The following NRG1 variants were observed in gnomAD, a reference collection of about 807,000 sequenced individuals.
NRG1 encodes neuregulin 1.
A neutral mutation model predicts 63.8 loss-of-function variants in NRG1; 18 were observed. The ratio of observed to expected loss-of-function variants is 0.28; its 90% CI spans 0.19 to 0.42. The LOEUF is 0.42. Among genes scored for constraint, NRG1 ranks in the 10% least tolerant of loss-of-function variants. The pLI is 1.00. For missense variants in NRG1, 762 were observed against 814.7 expected, an observed-to-expected ratio of 0.94 and a Z score of 0.79; for synonymous variants, 302 against 301.3, an observed-to-expected ratio of 1.00 and a Z score of -0.02.
At chr8:32,357,783 A>C (rs1806646527) in intron 1 of NRG1, among the ~76,000 whole-genome samples, 1 of 152,228 alleles carries the variant, frequency 6.6e-6, no homozygotes. Flanking sequence ...TGTTGGGAAT[A>C]GAAAAATTTA....
intron 1 of NRG1, among the ~76,000 whole-genome samples, chr8:31,780,104 C>A (rs867628424): frequency 2.0e-5 from 3 of 152,246 alleles, no homozygotes; most frequent in African/African-American, 4.8e-5. Flanking sequence ...GATGATGAGT[C>A]TTTATAAACA....
At chr8:31,946,826 C>T (rs781474790) in intron 1 of NRG1, among the ~76,000 whole-genome samples, 7 of 152,156 alleles carry the variant, frequency 4.6e-5, no homozygotes, top group Non-Finnish European at 7.4e-5. Context: ...ATGGAAGCCA[C>T]GATTTCTTTG....
downstream of NRG1, among the ~76,000 whole-genome samples, chr8:32,772,021 C>A (rs1831839871): frequency 2.6e-5 from 1 of 38,114 alleles, no homozygotes; most frequent in East Asian, 1.3e-3. Context: ...GAAACTCCGT[C>A]TCAAAAAAAA....
In NRG1 at chr8:32,282,026, A is replaced by C. The variant is rs989007785; in HGVS notation, c.38-313802A>C. Among the ~76,000 whole-genome samples, 2 of 152,234 alleles carry C rather than the reference A, an allele frequency of 1.3e-5. 1 individual carries two copies. Among genetic ancestry groups the C allele is most frequent in the Non-Finnish European group, 2.9e-5 (2 of 68,044 alleles). On this transcript the variant is annotated intron_variant, in intron 1 of 10. Transcript: ENST00000519301. ...TCAAGAAAAACAACTGCCTTTCTGA[A>C]AACTTACACCGCTCACAGAGTCTGG...
chr8:32,437,709 T>A (rs1458348936), intron 1 of NRG1, among the ~76,000 whole-genome samples: 1 of 152,226 alleles, frequency 6.6e-6, no homozygotes, highest in Non-Finnish European at 1.5e-5. Context: ...AAATTCAGAA[T>A]TTTAATTACC....
At chr8:32,547,311 A>G (rs1833175674), upstream of NRG1, among the ~76,000 whole-genome samples, 1 of 152,142 alleles carries the variant, frequency 6.6e-6, no homozygotes, top group Non-Finnish European at 1.5e-5. Context: ...AGTTCTGAGT[A>G]AAGTTTGAAT....
chr8:32,132,734 T>C (rs1357192671), intron 1 of NRG1, among the ~76,000 whole-genome samples: 2 of 152,066 alleles, frequency 1.3e-5, no homozygotes, highest in Non-Finnish European at 2.9e-5. Context: ...TGGGCTGTCT[T>C]TACAGAATAT....
chr8:31,795,439 GAC>G (rs1252967918), intron 1 of NRG1, among the ~76,000 whole-genome samples: 6 of 152,196 alleles, frequency 3.9e-5, no homozygotes, highest in Non-Finnish European at 2.9e-5. Context: ...GCAGTTGAAA[GAC>G]ACAGCAATTA....
At chr8:32,345,682 G>A (rs1020278763) in intron 1 of NRG1, among the ~76,000 whole-genome samples, 1 of 152,096 alleles carries the variant, frequency 6.6e-6, no homozygotes, top group Non-Finnish European at 1.5e-5. Flanking sequence ...AAACTCAAAA[G>A]TATATGGCCA....
Position 32,647,557 on chromosome 8 carries a change from C to T in NRG1, c.502+30672C>T, listed in dbSNP as rs879420753. The stretch of plus-strand genomic sequence containing the variant: ...TTGTAGTTGCTAGGAGCTTTTCTTC[C>T]CCCCTTGCATCTTTCTGAACTCTTC... On this transcript the variant is annotated intron_variant, in intron 5 of 11. Coordinates refer to ENST00000356819, the Ensembl canonical transcript of NRG1. 15 of 985,184 alleles carry T rather than the reference C, an allele frequency of 1.5e-5. 1 individual carries two copies. The Admixed American group carries it at 8.6e-4, about 57-fold the overall frequency. The allele number at this position is 985,184 out of a possible 1,614,324, so 61.0% of individuals were successfully genotyped here.
At chr8:31,691,092 C>T (rs771810431) in intron 1 of NRG1, among the ~76,000 whole-genome samples, 1 of 152,052 alleles carries the variant, frequency 6.6e-6, no homozygotes, top group Non-Finnish European at 1.5e-5. Flanking sequence ...AGAAGGGAAA[C>T]CAACCAAAGA....
At chr8:32,473,245 AT>A (rs1169594658) in intron 1 of NRG1, among the ~76,000 whole-genome samples, 1 of 152,220 alleles carries the variant, frequency 6.6e-6, no homozygotes, top group Non-Finnish European at 1.5e-5. Context: ...AAAATAGAGT[AT>A]TTTATGCATA....
chr8:32,048,625 G>A (rs2130784351), intron 1 of NRG1, among the ~76,000 whole-genome samples: 1 of 151,566 alleles, frequency 6.6e-6, no homozygotes. Context: ...ATCCTCACTA[G>A]CACTTGTTAT....
chr8:31,766,513 G>T (rs1034730013), intron 1 of NRG1, among the ~76,000 whole-genome samples: 5 of 152,122 alleles, frequency 3.3e-5, no homozygotes, highest in Non-Finnish European at 7.4e-5. Context: ...ACAAGCCCCT[G>T]TGCAAACCCC....
intron 1 of NRG1, among the ~76,000 whole-genome samples, chr8:31,958,076 T>TAGATAGATAGAA (rs1554585891): frequency 6.6e-6 from 1 of 151,844 alleles, no homozygotes; most frequent in Admixed American, 6.6e-5. Flanking sequence ...GATAGATAGA[T>TAGATAGATAGAA]AGATAGACAG....
At chr8:32,184,407 A>C (rs901120530) in intron 1 of NRG1, among the ~76,000 whole-genome samples, 1 of 152,202 alleles carries the variant, frequency 6.6e-6, no homozygotes, top group Non-Finnish European at 1.5e-5. Context: ...AGGCCAAACA[A>C]AATCAAGGCC....
intron 1 of NRG1, among the ~76,000 whole-genome samples, chr8:31,854,095 C>T (rs373773147): frequency 6.6e-5 from 10 of 151,616 alleles, no homozygotes; most frequent in Middle Eastern, 6.8e-3. Context: ...TGTCTCTGCC[C>T]GGCTTTGGTA....
chr8:32,470,420 G>T (rs1029276567), intron 1 of NRG1, among the ~76,000 whole-genome samples: 2 of 151,412 alleles, frequency 1.3e-5, no homozygotes, highest in Non-Finnish European at 2.9e-5. Context: ...TAGCCAGGAT[G>T]GTCTCCGTCT....
chr8:32,024,041 TC>T (rs1425008983), intron 1 of NRG1, among the ~76,000 whole-genome samples: 1 of 152,214 alleles, frequency 6.6e-6, no homozygotes, highest in Non-Finnish European at 1.5e-5. Context: ...CTGCCTCTTA[TC>T]AATGGGTCTT....
Sources: gnomAD v4.1 joint callset for allele counts (sites outside exome capture counted in the v4.1 genomes callset) on GRCh38, gnomAD v4.1.1 for gene constraint, MANE v1.5 for transcripts, NCBI Gene and HGNC (gene_info 2026-07-23, HGNC 2026-07-21) for gene names.